LRP6: variants seen among roughly 807,000 people sequenced by gnomAD.
LRP6 encodes the protein low-density lipoprotein receptor-related protein 6.
Under a neutral mutation model 184.1 loss-of-function variants are expected in LRP6, and 43 were observed. The ratio of observed to expected loss-of-function variants is 0.23; its 90% CI spans 0.18 to 0.30. LRP6 has a LOEUF of 0.30. LRP6 is among the 10% of genes least tolerant of loss of function. The pLI is 1.00. For missense variants in LRP6, 1,571 were observed against 2,005.3 expected, an observed-to-expected ratio of 0.78 and a Z score of 4.14; for synonymous variants, 719 against 684.9, an observed-to-expected ratio of 1.05 and a Z score of -0.78.
At chr12:12,265,339 A>G (rs1865729715) in intron 1 of LRP6, among the ~76,000 whole-genome samples, 1 of 152,244 alleles carries the variant, frequency 6.6e-6, no homozygotes. Flanking sequence ...TGCTTAGAGT[A>G]TCAAGTAATA....
rs1422530909 is a variant in LRP6, at chr12:12,164,179, CA to C, written c.2052+93del. ...TTTTTGTTGAACTCTGCCTGTCAAACAATGAGGGAGGTGGGTCACAGCATGA... is the reference window on the plus strand; with the variant it reads ...TTTTTGTTGAACTCTGCCTGTCAAACATGAGGGAGGTGGGTCACAGCATGA... On this transcript the variant is annotated intron_variant, in intron 9 of 22. Transcript: ENST00000261349. 6.4e-6 allele frequency: 7 copies of C among 1,095,238 alleles called. No homozygotes were observed. In the Admixed American group the frequency reaches 1.2e-4, roughly 18 times the overall value. 67.8% of individuals were successfully genotyped at this position (1,095,238 alleles called of 1,614,324 possible).
At position 12,119,391 on chromosome 12, in the gene LRP6, T is replaced by A. The variant is rs1484652640; in HGVS notation, c.*1735A>T. ...ATTCAATAATTAACTGACCAACACCTCTTAAGCTAAAAATACATTAGTTTA... is the reference window on the plus strand; with the variant it reads ...ATTCAATAATTAACTGACCAACACCACTTAAGCTAAAAATACATTAGTTTA... On this transcript the variant is annotated 3_prime_UTR_variant, in exon 23 of 23. Coordinates refer to ENST00000261349, the MANE Select transcript of LRP6 (RefSeq NM_002336.3). 2.0e-5 allele frequency: 3 copies of A among 151,990 alleles called. No homozygotes were observed. Among genetic ancestry groups the A allele is most frequent in the African/African-American group, 7.2e-5 (3 of 41,386 alleles). 9.4% of individuals were successfully genotyped at this position (151,990 alleles called of 1,614,324 possible).
rs1362095474 is a variant in LRP6 at position 12,164,486 on chromosome 12, A to G, written c.1839T>C (p.Ala613=). 3 of 1,614,194 alleles carry G rather than the reference A, an allele frequency of 1.9e-6. No individual in the cohort carries two copies. In the Admixed American group the frequency reaches 5.0e-5, roughly 27 times the overall value. Residue 613 remains alanine, a synonymous_variant, in exon 9 of 23, where the codon GCT becomes GCC. Transcript: ENST00000261349. ...CLYRPQGLRC[A]CPIGFELISD... ...TGATGAGTTCAAAGCCAATAGGGCA[A>G]GCACAGCGAAGGCCCTGAGGTCTAT... is the stretch of plus-strand genomic sequence containing the variant.
intron 2 of LRP6, among the ~76,000 whole-genome samples, chr12:12,213,755 C>CTT (rs1864270219): frequency 6.6e-6 from 1 of 151,930 alleles, no homozygotes; most frequent in Non-Finnish European, 1.5e-5. Context: ...ATTCCCACTC[C>CTT]TTTTATCACG....
chr12:12,187,410 G>A, intron 3 of LRP6: 1 of 422,970 alleles, frequency 2.4e-6, no homozygotes, highest in East Asian at 5.1e-5. Context: ...CTTTTTCATT[G>A]TTTGCACTGC....
At position 12,154,012 on chromosome 12, in the gene LRP6, C is replaced by T. The variant is rs116846292; in HGVS notation, c.2792-2974G>A. Among the ~76,000 whole-genome samples, 462 of 152,318 alleles carry T rather than the reference C, an allele frequency of 3.0e-3. 3 individuals carry two copies. The highest frequency in any genetic ancestry group is 0.014 in the Middle Eastern group (4 of 294). The stretch of plus-strand genomic sequence containing the variant: ...AATCCAGTCCACACTTCCTTAGCCA[C>T]GCCATACACCTGTAGGGCTAAATCT... On this transcript the variant is annotated intron_variant, in intron 12 of 22. Coordinates refer to ENST00000261349, the MANE Select transcript of LRP6 (RefSeq NM_002336.3).
chr12:12,192,610 T>C (rs140735913), intron 3 of LRP6, among the ~76,000 whole-genome samples: 11 of 152,062 alleles, frequency 7.2e-5, no homozygotes, highest in South Asian at 2.1e-4. Flanking sequence ...AGCAGCTCTA[T>C]CAGACAAAAA....
chr12:12,147,542 G>C lies in LRP6; in HGVS notation c.3221C>G (p.Thr1074Ser), dbSNP rs1565560776. The part of the protein sequence containing the change: ...VNPEKGYMYF[T>S]NLQERSPKIE... ...TTTAGGAGACCTTTCCTGAAGATTGGTAAAATACATATACCTAGAGGGAAA... is the reference window on the plus strand; with the variant it reads ...TTTAGGAGACCTTTCCTGAAGATTGCTAAAATACATATACCTAGAGGGAAA... The change falls in exon 15 of 23, where the codon ACC becomes AGC. Residue 1074 changes from threonine (T) to serine (S), a missense_variant. Physicochemically the swap from Thr to Ser is moderately conservative, Grantham distance 58. Transcript: ENST00000261349. The C allele has an allele frequency of 6.2e-7, 1 of 1,613,742 alleles. No homozygotes were observed. Among genetic ancestry groups the C allele is most frequent in the Admixed American group, 1.7e-5 (1 of 59,992 alleles).
At chr12:12,121,497 T>G (rs547318649) in intron 22 of LRP6, 77 bp from the exon 23 acceptor site, 19 of 1,351,470 alleles carry the variant, frequency 1.4e-5, no homozygotes, top group Middle Eastern at 1.9e-4. Flanking sequence ...ATAGAGGTAT[T>G]AGATGTCAAC....
intron 2 of LRP6, among the ~76,000 whole-genome samples, chr12:12,232,500 C>G (rs1053658866): frequency 6.7e-6 from 1 of 149,868 alleles, no homozygotes; most frequent in Non-Finnish European, 1.5e-5. Context: ...TTCTCAAGGA[C>G]AGCCTCTCTG....
chr12:12,159,680 T>C, intron 11 of LRP6, 100 bp downstream of exon 11: 1 of 1,094,188 alleles, frequency 9.1e-7, no homozygotes, highest in South Asian at 1.3e-5. Flanking sequence ...GACACATTCA[T>C]ATGAAGTTGT....
In LRP6 at chr12:12,181,365, C is replaced by T. The variant is rs768880012; in HGVS notation, c.1051G>A (p.Asp351Asn). 1.9e-6 allele frequency: 3 copies of T among 1,605,732 alleles called. No individual in the cohort carries two copies. Among genetic ancestry groups the T allele is most frequent in the African/African-American group, 1.3e-5 (1 of 74,770 alleles). Residue 351 changes from aspartate (D) to asparagine (N), a missense_variant, in exon 6 of 23, where the codon GAC (aspartate) becomes AAC (asparagine). Around this residue, in one of 4 missense-constraint regions of LRP6, gnomAD observed 640 missense variants for 851.9 expected, o/e 0.75. Transcript: ENST00000261349. Reference protein sequence around the residue: ...RISLDTPDFTDIVLQLEDIRH... With the variant: ...RISLDTPDFTNIVLQLEDIRH... ...ATGTCTTCTAACTGCAGAACAATGT[C>T]TGTAAAATCTGGTGTATCCAAAGAA...
In LRP6 at chr12:12,192,742, C is replaced by A. The variant is rs571037225; in HGVS notation, c.648-5623G>T. Among the ~76,000 whole-genome samples the A allele has an allele frequency of 1.4e-3, 217 of 151,928 alleles. 1 individual carries two copies. The highest frequency in any genetic ancestry group is 4.8e-3 in the African/African-American group (200 of 41,504). On this transcript the variant is annotated intron_variant, in intron 3 of 22. Transcript: ENST00000261349. ...AAACAGAGCCCCAGAACAAATGAAGCAAAACCTGACAGAAATCAAAGGAAA... is the reference window on the plus strand; with the variant it reads ...AAACAGAGCCCCAGAACAAATGAAGAAAAACCTGACAGAAATCAAAGGAAA...
chr12:12,146,721 T>C (rs1950012266), intron 15 of LRP6, among the ~76,000 whole-genome samples: 1 of 152,226 alleles, frequency 6.6e-6, no homozygotes, highest in Non-Finnish European at 1.5e-5. Flanking sequence ...ATTAAAACCA[T>C]GCTTCAGAAA....
At chr12:12,180,048 G>T in intron 6 of LRP6, 67 bp from the exon 7 acceptor site, 1 of 1,342,766 alleles carries the variant, frequency 7.4e-7, no homozygotes, top group Non-Finnish European at 1.1e-6. Context: ...TATTCTAAAG[G>T]TGAGATCCAT....
intron 1 of LRP6, among the ~76,000 whole-genome samples, chr12:12,263,499 G>A (rs1326065376): frequency 4.0e-5 from 6 of 150,550 alleles, no homozygotes; most frequent in South Asian, 2.1e-4. Context: ...TGCAGTGAGC[G>A]GAGATCACAC....
At chr12:12,132,504 A>AAAT (rs1949773524) in intron 17 of LRP6, among the ~76,000 whole-genome samples, 1 of 152,186 alleles carries the variant, frequency 6.6e-6, no homozygotes, top group Non-Finnish European at 1.5e-5. Context: ...CTATTTTTAT[A>AAAT]ATAACATTAA....
At chr12:12,150,625 G>T (rs145011734) in intron 13 of LRP6, among the ~76,000 whole-genome samples, 2 of 152,068 alleles carry the variant, frequency 1.3e-5, no homozygotes, top group African/African-American at 4.8e-5. Flanking sequence ...GCTTAAGTAC[G>T]CCTAACAATT....
chr12:12,189,749 C>T (rs184659232), intron 3 of LRP6, among the ~76,000 whole-genome samples: 3 of 152,180 alleles, frequency 2.0e-5, no homozygotes, highest in Admixed American at 6.5e-5. Flanking sequence ...GATCTGCCCA[C>T]CTTGGCCTCC....
Sources: allele counts gnomAD v4.1 joint callset (sites outside exome capture counted in the v4.1 genomes callset), GRCh38; gene constraint gnomAD v4.1.1; regional missense constraint gnomAD v4.1.1; transcripts MANE v1.5; gene names NCBI Gene and HGNC (gene_info 2026-07-23, HGNC 2026-07-21).